The following C1orf21 variants were observed in gnomAD, a reference collection of about 807,000 sequenced individuals.
C1orf21 encodes uncharacterized protein C1orf21.
A neutral mutation model predicts 18.7 loss-of-function variants in C1orf21; 3 were observed. That is an observed-to-expected ratio of 0.16 (90% CI 0.07 to 0.42). The LOEUF is 0.42. Ranked by LOEUF, C1orf21 falls within the 10% of genes least tolerant of loss-of-function variation. The pLI is 0.99. For missense variants in C1orf21, 104 were observed against 143.6 expected (o/e 0.72, Z 1.41); for synonymous variants, 41 against 46.4 (o/e 0.88, Z 0.47).
chr1:184,568,099 C>T (rs1362856979), intron 3 of C1orf21, among the ~76,000 whole-genome samples: 1 of 152,204 alleles, frequency 6.6e-6, no homozygotes, highest in Non-Finnish European at 1.5e-5. Flanking sequence ...AAAACCCTCT[C>T]TCTAGCCTAA....
At chr1:184,573,972 A>G (rs1042485832) in intron 3 of C1orf21, among the ~76,000 whole-genome samples, 8 of 152,208 alleles carry the variant, frequency 5.3e-5, no homozygotes, top group Non-Finnish European at 7.3e-5. Context: ...AGGTAGGCAG[A>G]TCACCTGAGG....
chr1:184,587,524 TTGTG>T (rs3034486), intron 3 of C1orf21, among the ~76,000 whole-genome samples: 35,411 of 138,998 alleles, frequency 0.25, 4,666 homozygotes, highest in East Asian at 0.31. Context: ...TTCCTAGGAA[TTGTG>T]TGTGTGTGTG....
At chr1:184,397,606 G>C (rs1656081579) in intron 1 of C1orf21, among the ~76,000 whole-genome samples, 1 of 151,850 alleles carries the variant, frequency 6.6e-6, no homozygotes, top group Non-Finnish European at 1.5e-5. Context: ...AAAAACAACT[G>C]TATGGCTACT....
chr1:184,602,951 T>C (rs541460318), intron 5 of C1orf21, among the ~76,000 whole-genome samples: 9 of 152,380 alleles, frequency 5.9e-5, no homozygotes, highest in African/African-American at 2.2e-4. Flanking sequence ...ACCTGATTAC[T>C]GTTTCTGATG....
chr1:184,590,727 T>C lies in C1orf21; in HGVS notation c.190-12T>C, dbSNP rs760708785. On this transcript the variant is annotated splice_polypyrimidine_tract_variant and intron_variant, in intron 3 of 5. Transcript: ENST00000235307. ...ATCCTGTCTTTCACATGTCTGTGTT[T>C]ATGTGTTTCAGGAAAAAAGTGCCAG... 2 of 1,607,808 alleles carry C rather than the reference T, an allele frequency of 1.2e-6. No homozygotes were observed. Among genetic ancestry groups the C allele is most frequent in the Non-Finnish European group, 1.7e-6 (2 of 1,174,300 alleles).
At chr1:184,493,495 G>A (rs1259627714) in intron 2 of C1orf21, among the ~76,000 whole-genome samples, 3 of 152,082 alleles carry the variant, frequency 2.0e-5, no homozygotes, top group African/African-American at 2.4e-5. Context: ...TTTAGACTAC[G>A]TTTGATTTTC....
chr1:184,462,427 A>G (rs1257382255), intron 1 of C1orf21, among the ~76,000 whole-genome samples: 3 of 152,172 alleles, frequency 2.0e-5, no homozygotes, highest in African/African-American at 7.2e-5. Context: ...CTCATTGGCC[A>G]ATATCAATTT....
intron 3 of C1orf21, among the ~76,000 whole-genome samples, chr1:184,537,494 A>C (rs909502509): frequency 4.6e-5 from 7 of 152,152 alleles, no homozygotes; most frequent in African/African-American, 1.7e-4. Context: ...CTTTTTAAGG[A>C]TGAATAATAT....
chr1:184,402,427 C>A (rs1002897901), intron 1 of C1orf21, among the ~76,000 whole-genome samples: 2 of 151,988 alleles, frequency 1.3e-5, no homozygotes, highest in African/African-American at 4.8e-5. Flanking sequence ...TTGAGACCAG[C>A]CAGGGCAATA....
intron 3 of C1orf21, among the ~76,000 whole-genome samples, chr1:184,552,396 G>C (rs543501136): frequency 1.3e-5 from 2 of 152,054 alleles, no homozygotes; most frequent in African/African-American, 4.8e-5. Flanking sequence ...AAACTTTTTT[G>C]TGTGTTTTTA....
intron 3 of C1orf21, among the ~76,000 whole-genome samples, chr1:184,588,001 A>G (rs1056051737): frequency 6.6e-5 from 10 of 152,204 alleles, no homozygotes; most frequent in Admixed American, 5.9e-4. Flanking sequence ...TGAAATGGGA[A>G]GTATGCATAA....
At chr1:184,394,205 A>C (rs1656013803) in intron 1 of C1orf21, among the ~76,000 whole-genome samples, 1 of 152,244 alleles carries the variant, frequency 6.6e-6, no homozygotes, top group African/African-American at 2.4e-5. Context: ...TTTTGGAAAA[A>C]GGTACTTTAA....
At chr1:184,500,615 C>T (rs1238840692) in intron 2 of C1orf21, among the ~76,000 whole-genome samples, 1 of 152,224 alleles carries the variant, frequency 6.6e-6, no homozygotes, top group Non-Finnish European at 1.5e-5. Context: ...TCAATCTCCA[C>T]AGCACACAGC....
At chr1:184,486,410 G>T (rs956216928) in intron 2 of C1orf21, among the ~76,000 whole-genome samples, 1 of 152,138 alleles carries the variant, frequency 6.6e-6, no homozygotes, top group Admixed American at 6.5e-5. Context: ...GGTAATAATG[G>T]TATCCACCAC....
chr1:184,608,702 C>T (rs1659685758), intron 5 of C1orf21, among the ~76,000 whole-genome samples: 1 of 152,172 alleles, frequency 6.6e-6, no homozygotes, highest in African/African-American at 2.4e-5. Flanking sequence ...GATTGTTATC[C>T]TCCCAAAGTG....
In C1orf21 at chr1:184,538,845, A is replaced by G. The variant is rs79506704; in HGVS notation, c.189+31163A>G. On this transcript the variant is annotated intron_variant, in intron 3 of 5. Transcript: ENST00000235307. The stretch of plus-strand genomic sequence containing the variant: ...TTTATGTCAGTACCACACTGTTTTG[A>G]TTATTGTAATTTTGTAATTAAGTCA... Among the ~76,000 whole-genome samples, 1,211 of 152,210 alleles carry G rather than the reference A, an allele frequency of 8.0e-3. 14 individuals carry two copies. Among genetic ancestry groups the G allele is most frequent in the African/African-American group, 0.028 (1,166 of 41,542 alleles).
intron 2 of C1orf21, among the ~76,000 whole-genome samples, chr1:184,494,293 GTGA>G (rs1223561411): frequency 1.3e-5 from 2 of 152,204 alleles, no homozygotes; most frequent in African/African-American, 4.8e-5. Flanking sequence ...TGCCAGTAGG[GTGA>G]TGGGTGACAA....
chr1:184,469,274 A>G (rs1657455747), intron 1 of C1orf21, among the ~76,000 whole-genome samples: 2 of 152,092 alleles, frequency 1.3e-5, no homozygotes, highest in East Asian at 1.9e-4. Flanking sequence ...CGAACAAAAA[A>G]AACTATTCTC....
At chr1:184,556,062 A>G (rs965036884) in intron 3 of C1orf21, among the ~76,000 whole-genome samples, 9 of 151,884 alleles carry the variant, frequency 5.9e-5, no homozygotes, top group African/African-American at 2.2e-4. Context: ...CCTCTCCCTC[A>G]CCACCCCCCC....
Sources: allele counts gnomAD v4.1 joint callset (sites outside exome capture counted in the v4.1 genomes callset), GRCh38; gene constraint gnomAD v4.1.1; transcripts MANE v1.5; gene names NCBI Gene and HGNC (gene_info 2026-07-23, HGNC 2026-07-21).